Variants in AHNAK2 observed in about 807,000 individuals in gnomAD.
AHNAK2 encodes the protein AHNAK nucleoprotein 2.
Under a neutral mutation model 30.7 loss-of-function variants are expected in AHNAK2, and 18 were observed. The ratio of observed to expected loss-of-function variants is 0.59; its 90% CI spans 0.41 to 0.87. The LOEUF is 0.87. Ranked by LOEUF, AHNAK2 falls within the 40% of genes least tolerant of loss-of-function variation. The probability of loss-of-function intolerance (pLI) is 0.00; values close to 1 mark genes in which losing one functional copy is unlikely to be tolerated. For synonymous variants in AHNAK2, 3,590 were observed against 3,073.8 expected, an observed-to-expected ratio of 1.17 and a Z score of -5.56; for missense variants, 8,604 against 7,373.0, an observed-to-expected ratio of 1.17 and a Z score of -6.11.
In AHNAK2 at chr14:104,939,066, T is replaced by C. The variant is rs1566894643; in HGVS notation, c.16385A>G (p.Lys5462Arg). 14 of 1,605,148 alleles carry C rather than the reference T, an allele frequency of 8.7e-6. No homozygotes were observed. Among genetic ancestry groups the C allele is most frequent in the Non-Finnish European group, 1.2e-5 (14 of 1,175,752 alleles). The change falls in exon 7 of 7, where the codon AAG becomes AGG. Residue 5462 changes from lysine (K) to arginine (R), a missense_variant. By Grantham distance (26) the Lys-to-Arg change is conservative. Transcript: ENST00000333244. ...NLPLEAPPIS[K>R]VRVHIQGAQV... ...AGCACCCTGAATATGCACTCTGACC[T>C]TTGAAATTGGGGGAGCTTCCAAAGG...
At position 104,973,277 on chromosome 14, in the gene AHNAK2, C is replaced by A. The variant is rs145533603; in HGVS notation, c.55+4906G>T. ...CTAGGACCCAGGACCAGCTAGGAGT[C>A]GCCATGGGAACTCGGCTGCTGGCGG... is the stretch of plus-strand genomic sequence containing the variant. On this transcript the variant is annotated intron_variant, in intron 1 of 6. Coordinates refer to ENST00000333244, the MANE Select transcript of AHNAK2 (RefSeq NM_138420.4). 3.7e-3 allele frequency among the ~76,000 whole-genome samples: 558 copies of A among 152,312 alleles called. 1 individual carries two copies. Among genetic ancestry groups the A allele is most frequent in the African/African-American group, 0.013 (540 of 41,566 alleles).
rs137934113 is a variant in AHNAK2, at chr14:104,952,602, G to A, written c.2849C>T (p.Ala950Val). Residue 950 changes from alanine (A) to valine (V), a missense_variant, in exon 7 of 7, where the codon GCG becomes GTG. Ala to Val is a moderately conservative substitution (Grantham distance 64). Transcript: ENST00000333244. ...CTCGCCATCGGGGGCTGTCACTTCC[G>A]CCTTGGGGCCTTTCAGGTCCAGCTT... ...GPKLDLKGPK[A>V]EVTAPDGEVS... 57 of 1,612,484 alleles carry A rather than the reference G, an allele frequency of 3.5e-5. No individual in the cohort carries two copies. The Middle Eastern group carries it at 5.0e-4, about 14-fold the overall frequency.
rs189113480 is a variant in AHNAK2, at chr14:104,970,557, C to T, written c.55+7626G>A. 259 of 980,162 alleles carry T rather than the reference C, an allele frequency of 2.6e-4. 1 individual carries two copies. In the African/African-American group the frequency reaches 2.9e-3, roughly 11 times the overall value. The allele number at this position is 980,162 out of a possible 1,614,324, so 60.7% of individuals were successfully genotyped here. A position where few individuals can be genotyped will look rare whatever the true frequency, so the allele number is the denominator to read the frequency against. On this transcript the variant is annotated intron_variant, in intron 1 of 6. Coordinates refer to ENST00000333244, the MANE Select transcript of AHNAK2 (RefSeq NM_138420.4). ...GTTCTTCCCTCCACAGCTCCTCCCC[C>T]CATTGTCCCGCCTCTGCCTGCTCCT... is the stretch of plus-strand genomic sequence containing the variant.
At chr14:104,960,399 A>G (rs1899103659) in intron 1 of AHNAK2, among the ~76,000 whole-genome samples, 1 of 152,200 alleles carries the variant, frequency 6.6e-6, no homozygotes, top group Non-Finnish European at 1.5e-5. Context: ...CATAGCATTT[A>G]CATTGCATTA....
chr14:104,943,829 G>A lies in AHNAK2; in HGVS notation c.11622C>T (p.Gly3874=). 3 of 1,613,308 alleles carry A rather than the reference G, an allele frequency of 1.9e-6. No individual in the cohort carries two copies. Among genetic ancestry groups the A allele is most frequent in the Non-Finnish European group, 1.7e-6 (2 of 1,179,650 alleles). The change falls in exon 7 of 7, where the codon GGC becomes GGT. Residue 3874 remains glycine, a synonymous_variant. Transcript: ENST00000333244. ...ARQVDMKLLE[G]HVPEEAGLKG... is the part of the protein sequence containing the mutation. ...TGAGGCCGGCTTCCTCGGGCACGTG[G>A]CCCTCCAGGAGTTTCATGTCCACCT...
At position 104,940,934 on chromosome 14, in the gene AHNAK2, T is replaced by C; in HGVS notation, c.14517A>G (p.Thr4839=). 1.2e-6 allele frequency: 2 copies of C among 1,612,780 alleles called. No individual in the cohort carries two copies. The highest frequency in any genetic ancestry group is 1.7e-6 in the Non-Finnish European group (2 of 1,179,680). ...GGCCAGAGTGACTCTCAGCTTGAGA[T>C]GTTGGAACTCCCTCTGGAGGCTGCA... is the stretch of plus-strand genomic sequence containing the variant. ...TDLQPPEGVP[T]SQAESHSGPL... The change falls in exon 7 of 7, where the codon ACA becomes ACG. Residue 4839 remains threonine (T), a synonymous_variant. Coordinates refer to ENST00000333244, the MANE Select transcript of AHNAK2 (RefSeq NM_138420.4). The surrounding 1 kb of genome is among the most constrained non-coding windows in gnomAD (Gnocchi z 4.4).
chr14:104,957,618 T>G lies in AHNAK2; in HGVS notation c.110A>C (p.His37Pro). Residue 37 changes from histidine (H) to proline (P), a missense_variant, in exon 2 of 7, where the codon CAC (histidine) becomes CCC (proline). Physicochemically the swap from His to Pro is moderately conservative, Grantham distance 77. Transcript: ENST00000333244. ...GEPGAETEDD[H>P]SVTEGPADEG... ...CTTCCTCCTGCTCTCACTTACAGAGTGGTCATCTTCCGTTTCTGCACCTGG... is the reference window on the plus strand; with the variant it reads ...CTTCCTCCTGCTCTCACTTACAGAGGGGTCATCTTCCGTTTCTGCACCTGG... 1 of 1,610,602 alleles carries G rather than the reference T, an allele frequency of 6.2e-7. No homozygotes were observed. The highest frequency in any genetic ancestry group is 8.5e-7 in the Non-Finnish European group (1 of 1,179,018).
rs1428738594 is a variant in AHNAK2 at position 104,938,583 on chromosome 14, G to A, written c.16868C>T (p.Thr5623Ile). The A allele has an allele frequency of 2.5e-6, 4 of 1,613,242 alleles. No individual in the cohort carries two copies. Among genetic ancestry groups the A allele is most frequent in the East Asian group, 2.2e-5 (1 of 44,884 alleles). ...EFPPDDSQEA[T>I]TPLADEGRAP... ...CCTGCCTTCATCTGCCAGTGGTGTG[G>A]TTGCCTCTTGGCTATCATCAGGGGG... is the stretch of plus-strand genomic sequence containing the variant. Residue 5623 changes from threonine to isoleucine, a missense_variant, in exon 7 of 7, where the codon ACC becomes ATC. Physicochemically the swap from Thr to Ile is moderately conservative, Grantham distance 89 (BLOSUM62 -1). Transcript: ENST00000333244.
Position 104,944,953 on chromosome 14 carries a change from C to G in AHNAK2, c.10498G>C (p.Ala3500Pro), listed in dbSNP as rs750022298. 2 of 1,613,242 alleles carry G rather than the reference C, an allele frequency of 1.2e-6. No homozygotes were observed. Among genetic ancestry groups the G allele is most frequent in the South Asian group, 1.1e-5 (1 of 91,040 alleles). The change falls in exon 7 of 7, where the codon GCG becomes CCG. Residue 3500 changes from alanine (A) to proline (P), a missense_variant. Physicochemically the swap from Ala to Pro is conservative, Grantham distance 27. Coordinates refer to ENST00000333244, the MANE Select transcript of AHNAK2 (RefSeq NM_138420.4). Reference protein sequence around the residue: ...RSIEASLDVSAPKVEADVSLS... With the variant: ...RSIEASLDVSPPKVEADVSLS... ...CTCACGTCGGCCTCCACCTTCGGCGCAGACACATCCAGCGAGGCCTCGATG... is the reference window on the plus strand; with the variant it reads ...CTCACGTCGGCCTCCACCTTCGGCGGAGACACATCCAGCGAGGCCTCGATG...
At position 104,952,957 on chromosome 14, in the gene AHNAK2, T is replaced by C; in HGVS notation, c.2494A>G (p.Lys832Glu). The C allele has an allele frequency of 4.3e-6, 7 of 1,612,212 alleles. No individual in the cohort carries two copies. The highest frequency in any genetic ancestry group is 5.9e-6 in the Non-Finnish European group (7 of 1,179,464). The change falls in exon 7 of 7, where the codon AAG becomes GAG. Residue 832 changes from lysine (K) to glutamate (E), a missense_variant. By Grantham distance (56) the Lys-to-Glu change is moderately conservative. Transcript: ENST00000333244. ...ATCTTGAACTTGGGCATTTTGAACT[T>C]GCTGTCTTTGGCAGTCACCTCCTTG... Reference protein sequence around the residue: ...ADKEVTAKDSKFKMPKFKMPS... With the variant: ...ADKEVTAKDSEFKMPKFKMPS...
chr14:104,972,450 G>A (rs557797121), intron 1 of AHNAK2, among the ~76,000 whole-genome samples: 1 of 152,328 alleles, frequency 6.6e-6, no homozygotes, highest in South Asian at 2.1e-4. Context: ...GGGACAGGAA[G>A]GAGACGCTGG....
rs1264199194 is a variant in AHNAK2 at position 104,943,886 on chromosome 14, G to A, written c.11565C>T (p.Pro3855=). 1 of 1,613,030 alleles carries A rather than the reference G, an allele frequency of 6.2e-7. No individual in the cohort carries two copies. Among genetic ancestry groups the A allele is most frequent in the East Asian group, 2.2e-5 (1 of 44,780 alleles). ...DLKTTDLSIQ[P]HSADLTVQAR... is the part of the protein sequence containing the mutation. Reference sequence around the variant, plus strand: ...CTTGGACCGTCAGGTCGGCAGAATGGGGCTGAATGCTGAGGTCAGTGGTCT... The same window carrying A: ...CTTGGACCGTCAGGTCGGCAGAATGAGGCTGAATGCTGAGGTCAGTGGTCT... The change falls in exon 7 of 7, where the codon CCC becomes CCT. Residue 3855 remains proline (P), a synonymous_variant. Transcript: ENST00000333244.
chr14:104,957,748 CTG>C (rs1899023204), intron 1 of AHNAK2, 76 bp from the exon 2 acceptor site: 28 of 1,423,542 alleles, frequency 2.0e-5, no homozygotes, highest in Non-Finnish European at 2.7e-5. Flanking sequence ...GGAGCCAGGA[CTG>C]TATGTACACT....
At position 104,940,345 on chromosome 14, in the gene AHNAK2, T is replaced by G. The variant is rs759797182; in HGVS notation, c.15106A>C (p.Ser5036Arg). Residue 5036 changes from serine to arginine, a missense_variant, in exon 7 of 7, where the codon AGT becomes CGT. Coordinates refer to ENST00000333244, the MANE Select transcript of AHNAK2 (RefSeq NM_138420.4). This position sits in a 1 kb window ranked among gnomAD's most constrained non-coding sequence, Gnocchi z 4.4. ...LALPKMKASK[S>R]GVSLPQRDVD... ...TCTCTCTGTGGCAGGCTGACCCCAC[T>G]CTTAGAAGCCTTCATTTTGGGAAGT... The G allele has an allele frequency of 6.2e-7, 1 of 1,613,754 alleles. No individual in the cohort carries two copies. Among genetic ancestry groups the G allele is most frequent in the Non-Finnish European group, 8.5e-7 (1 of 1,179,890 alleles).
rs1279119041 is a variant in AHNAK2 at position 104,947,598 on chromosome 14, A to C, written c.7853T>G (p.Val2618Gly). The change falls in exon 7 of 7, where the codon GTC (valine) becomes GGC (glycine). Residue 2618 changes from valine to glycine, a missense_variant. Val to Gly is a moderately radical substitution (Grantham distance 109). Coordinates refer to ENST00000333244, the MANE Select transcript of AHNAK2 (RefSeq NM_138420.4). ...ATCCAGCTTTGCTCTCGGGGCCTGG[A>C]CGTCCACCTCCATGCTGGACAGAGA... The part of the protein sequence containing the change: ...EMSLSSMEVD[V>G]QAPRAKLDGA... The C allele has an allele frequency of 6.2e-7, 1 of 1,612,350 alleles. No homozygotes were observed. The highest frequency in any genetic ancestry group is 8.5e-7 in the Non-Finnish European group (1 of 1,179,534).
Position 104,943,405 on chromosome 14 carries a change from G to A in AHNAK2, c.12046C>T (p.Leu4016Phe). Residue 4016 changes from leucine to phenylalanine, a missense_variant, in exon 7 of 7, where the codon CTC (leucine) becomes TTC (phenylalanine). Physicochemically the swap from Leu to Phe is conservative, Grantham distance 22. Transcript: ENST00000333244. ...SMQGDLKATD[L>F]SVQPPSADLE... is the part of the protein sequence containing the mutation. Reference sequence around the variant, plus strand: ...TCAGCGGAAGGGGGCTGAACGCTGAGGTCAGTGGCCTTGAGGTCCCCCTGC... The same window carrying A: ...TCAGCGGAAGGGGGCTGAACGCTGAAGTCAGTGGCCTTGAGGTCCCCCTGC... 3 of 1,613,214 alleles carry A rather than the reference G, an allele frequency of 1.9e-6. No individual in the cohort carries two copies. The highest frequency in any genetic ancestry group is 2.5e-6 in the Non-Finnish European group (3 of 1,179,654).
rs202055538 is a variant in AHNAK2 at position 104,941,511 on chromosome 14, A to G, written c.13940T>C (p.Met4647Thr). 6.2e-7 allele frequency: 1 copy of G among 1,613,060 alleles called. No individual in the cohort carries two copies. The highest frequency in any genetic ancestry group is 1.1e-5 in the South Asian group (1 of 91,088). The change falls in exon 7 of 7, where the codon ATG (methionine) becomes ACG (threonine). Residue 4647 changes from methionine to threonine, a missense_variant. Met to Thr is a moderately conservative substitution (Grantham distance 81). Transcript: ENST00000333244. ...ATTTCCTTCGATTTCAGAGGAAGAC[A>G]TGGAAACTTTCTTTGACGACCATTC... ...GFEWSSKKVS[M>T]SSSEIEGNVT...
Position 104,940,226 on chromosome 14 carries a change from T to C in AHNAK2, c.15225A>G (p.Ala5075=). The C allele has an allele frequency of 6.2e-7, 1 of 1,613,586 alleles. No individual in the cohort carries two copies. Among genetic ancestry groups the C allele is most frequent in the Non-Finnish European group, 8.5e-7 (1 of 1,179,880 alleles). The change falls in exon 7 of 7, where the codon GCA becomes GCG. Residue 5075 remains alanine, a synonymous_variant. Transcript: ENST00000333244. The surrounding 1 kb of genome is among the most constrained non-coding windows in gnomAD (Gnocchi z 4.4). ...CCTCACTTCCTGTGGCACTTGCTGT[T>C]GCACCAAGTCCTCCCCTACCACCGT... ...SSDGGRGGLG[A]TASATGSEGV... is the part of the protein sequence containing the mutation.
Position 104,945,777 on chromosome 14 carries a change from T to A in AHNAK2, c.9674A>T (p.His3225Leu). The change falls in exon 7 of 7, where the codon CAC becomes CTC. Residue 3225 changes from histidine to leucine, a missense_variant. His to Leu is a moderately conservative substitution (Grantham distance 99). Coordinates refer to ENST00000333244, the MANE Select transcript of AHNAK2 (RefSeq NM_138420.4). ...HVLEGAGLKG[H>L]LPKLQMPSFK... ...ACTGGGCATCTGCAACTTGGGCAGGTGCCCTTTGAGGCCAGCTCCCTCGAG... is the reference window on the plus strand; with the variant it reads ...ACTGGGCATCTGCAACTTGGGCAGGAGCCCTTTGAGGCCAGCTCCCTCGAG... 6.3e-7 allele frequency: 1 copy of A among 1,590,150 alleles called. No individual in the cohort carries two copies. Among genetic ancestry groups the A allele is most frequent in the Non-Finnish European group, 8.6e-7 (1 of 1,166,126 alleles).
Sources: allele counts gnomAD v4.1 joint callset (sites outside exome capture counted in the v4.1 genomes callset), GRCh38; gene constraint gnomAD v4.1.1; non-coding constraint Gnocchi (gnomAD v3.1); transcripts MANE v1.5; gene names NCBI Gene and HGNC (gene_info 2026-07-23, HGNC 2026-07-21).